The following MX1 variants were observed in gnomAD, a reference collection of about 807,000 sequenced individuals.
MX1 encodes MX dynamin like GTPase 1.
Under a neutral mutation model 66.4 loss-of-function variants are expected in MX1, and 66 were observed. The observed-to-expected ratio is 0.99, with a 90% CI of 0.82 to 1.22. The LOEUF (loss-of-function observed/expected upper bound fraction) is 1.22, where lower values mean the gene tolerates loss of function less well. Among genes scored for constraint, MX1 ranks in the 50% most tolerant of loss-of-function variants. MX1 has a pLI of 0.00. For synonymous variants in MX1, 311 were observed against 318.1 expected (o/e 0.98, Z 0.24); for missense variants, 787 against 834.3 (o/e 0.94, Z 0.70).
intron 8 of MX1, 81 bp from the exon 9 acceptor site, chr21:41,440,806 G>C: frequency 6.4e-7 from 1 of 1,552,968 alleles, no homozygotes; most frequent in South Asian, 1.1e-5. Flanking sequence ...AGGGCCTAAA[G>C]CAAGTGCAAG....
At chr21:41,446,874 T>C (rs1182811105) in intron 13 of MX1, among the ~76,000 whole-genome samples, 2 of 152,208 alleles carry the variant, frequency 1.3e-5, no homozygotes, top group African/African-American at 4.8e-5. Context: ...GTGGTAAACC[T>C]GATACGTTGG....
intron 5 of MX1, among the ~76,000 whole-genome samples, chr21:41,435,248 G>C (rs773281252): frequency 2.6e-5 from 4 of 152,274 alleles, no homozygotes; most frequent in Middle Eastern, 3.4e-3. Flanking sequence ...TGATGTTTAT[G>C]TTTGCTGTGC....
At position 41,452,478 on chromosome 21, in the gene MX1, G is replaced by A. The variant is rs537101514; in HGVS notation, c.1510-143G>A. 29 of 885,662 alleles carry A rather than the reference G, an allele frequency of 3.3e-5. No individual in the cohort carries two copies. The African/African-American group carries it at 4.8e-4, about 15-fold the overall frequency. The allele number at this position is 885,662 out of a possible 1,614,324, so 54.9% of individuals were successfully genotyped here. ...AGAAACCTGCCTTAGATACACCAGGGCGCGGCCCAGAGGGCTGTTCCAGGA... is the reference window on the plus strand; with the variant it reads ...AGAAACCTGCCTTAGATACACCAGGACGCGGCCCAGAGGGCTGTTCCAGGA... On this transcript the variant is annotated intron_variant, in intron 15 of 16. Coordinates refer to ENST00000398598, the MANE Select transcript of MX1 (RefSeq NM_002462.5).
chr21:41,443,540 C>T, intron 10 of MX1: 3 of 525,342 alleles, frequency 5.7e-6, no homozygotes, highest in South Asian at 2.3e-5. Context: ...AGTCAGACAC[C>T]ATGATACACA....
At chr21:41,454,448 C>T (rs575854863) in intron 16 of MX1, among the ~76,000 whole-genome samples, 67 of 152,258 alleles carry the variant, frequency 4.4e-4, no homozygotes, top group South Asian at 4.4e-3. Context: ...CTTCCTGTTA[C>T]GGCCAGGAAT....
intron 4 of MX1, chr21:41,431,691 G>T (rs1006804333): frequency 5.5e-5 from 10 of 181,554 alleles, no homozygotes; most frequent in African/African-American, 2.1e-4. Context: ...GGCCAGGGTG[G>T]TATTGAACTC....
chr21:41,435,863 G>A lies in MX1; in HGVS notation c.132G>A (p.Gln44=). 8.7e-6 allele frequency: 14 copies of A among 1,612,602 alleles called. No individual in the cohort carries two copies. Among genetic ancestry groups the A allele is most frequent in the Non-Finnish European group, 1.2e-5 (14 of 1,178,702 alleles). The change falls in exon 6 of 17, where the codon CAG becomes CAA. Residue 44 remains glutamine (Q), a synonymous_variant. Transcript: ENST00000398598. ...GSVAENNLCS[Q]YEEKVRPCID... ...TGGCTGAGAACAACCTGTGCAGCCA[G>A]TATGAGGAGAAGGTGCGCCCCTGCA...
upstream of MX1, chr21:41,422,652 A>G (rs2090005279): frequency 6.6e-6 from 1 of 152,226 alleles, no homozygotes; most frequent in Non-Finnish European, 1.5e-5. Flanking sequence ...CTGGTAGGAA[A>G]AAAAAAAGAG....
chr21:41,435,531 C>A lies in MX1; in HGVS notation c.106-306C>A, dbSNP rs1171252685. Among the ~76,000 whole-genome samples the A allele has an allele frequency of 4.6e-5, 7 of 152,182 alleles. No individual in the cohort carries two copies. The East Asian group carries it at 1.4e-3, about 29-fold the overall frequency. ...CTCACAGTCCACATGGCTGGGGAGG[C>A]CTCAGGAAACTTACAATCATGGAGG... On this transcript the variant is annotated intron_variant, in intron 5 of 16. Coordinates refer to ENST00000398598, the MANE Select transcript of MX1 (RefSeq NM_002462.5).
Position 41,458,899 on chromosome 21 carries a change from C to A in MX1, c.*141C>A. ...TTATCCGTTAGCCGTGGTGATTTAG[C>A]AGGAAGCTGTGAGAGCAGTTTGGTT... On this transcript the variant is annotated 3_prime_UTR_variant, in exon 17 of 17. Coordinates refer to ENST00000398598, the MANE Select transcript of MX1 (RefSeq NM_002462.5). The A allele has an allele frequency of 1.4e-6, 2 of 1,411,684 alleles. No homozygotes were observed. The highest frequency in any genetic ancestry group is 1.9e-6 in the Non-Finnish European group (2 of 1,074,046). 87.4% of individuals were successfully genotyped at this position (1,411,684 alleles called of 1,614,324 possible). A position where few individuals can be genotyped will look rare whatever the true frequency, so the allele number is the denominator to read the frequency against.
chr21:41,423,678 A>G (rs1240748140), upstream of MX1, among the ~76,000 whole-genome samples: 1 of 152,114 alleles, frequency 6.6e-6, no homozygotes, highest in Non-Finnish European at 1.5e-5. Context: ...CACATCCTAC[A>G]TGCTCAGTAG....
At chr21:41,457,783 A>G (rs1293302676) in intron 16 of MX1, among the ~76,000 whole-genome samples, 1 of 152,138 alleles carries the variant, frequency 6.6e-6, no homozygotes, top group African/African-American at 2.4e-5. Flanking sequence ...TGCCAGCATC[A>G]CCAGCAGCCA....
At chr21:41,437,851 C>A (rs2090406497) in intron 7 of MX1, among the ~76,000 whole-genome samples, 1 of 152,206 alleles carries the variant, frequency 6.6e-6, no homozygotes, top group Non-Finnish European at 1.5e-5. Flanking sequence ...GAACCCCACT[C>A]AGAACCAGCA....
chr21:41,420,599 G>A (rs2089982581), exon 1 of MX1: 3 of 151,958 alleles, frequency 2.0e-5, no homozygotes, highest in Admixed American at 6.5e-5. Context: ...CGGGAAATTC[G>A]CGGTGGGGGC....
At chr21:41,444,276 AGT>A (rs1204285153) in intron 11 of MX1, among the ~76,000 whole-genome samples, 1 of 140,968 alleles carries the variant, frequency 7.1e-6, no homozygotes, top group Non-Finnish European at 1.5e-5. Context: ...GCCTGAATAT[AGT>A]GTCTTCCTTT....
At chr21:41,431,968 T>C in intron 4 of MX1, 82 bp from the exon 5 acceptor site, 2 of 1,125,698 alleles carry the variant, frequency 1.8e-6, no homozygotes, top group Non-Finnish European at 2.6e-6. Flanking sequence ...CCAGGGGCCT[T>C]CCGTTCTGGT....
chr21:41,454,051 G>T (rs1261953690), intron 16 of MX1, among the ~76,000 whole-genome samples: 2 of 152,214 alleles, frequency 1.3e-5, no homozygotes, highest in Non-Finnish European at 2.9e-5. Context: ...AGGCCTAGAA[G>T]GGGAGAGGTC....
At position 41,443,874 on chromosome 21, in the gene MX1, C is replaced by A. The variant is rs1054797653; in HGVS notation, c.1008+8C>A. ...CTCATCACACATATCTGTGTAAGCACGGGCAGAGCTGTGGGTTCTCTAAAA... is the reference window on the plus strand; with the variant it reads ...CTCATCACACATATCTGTGTAAGCAAGGGCAGAGCTGTGGGTTCTCTAAAA... On this transcript the variant is annotated splice_region_variant and intron_variant, in intron 11 of 16. Coordinates refer to ENST00000398598, the MANE Select transcript of MX1 (RefSeq NM_002462.5). 2 of 1,613,860 alleles carry A rather than the reference C, an allele frequency of 1.2e-6. No homozygotes were observed. The highest frequency in any genetic ancestry group is 1.7e-6 in the Non-Finnish European group (2 of 1,179,742).
chr21:41,441,796 C>T lies in MX1; in HGVS notation c.811C>T (p.Leu271=), dbSNP rs1461608020. 6.2e-7 allele frequency: 1 copy of T among 1,614,148 alleles called. No individual in the cohort carries two copies. Among genetic ancestry groups the T allele is most frequent in the Non-Finnish European group, 8.5e-7 (1 of 1,180,036 alleles). The change falls in exon 10 of 17, where the codon CTG becomes TTG. Residue 271 remains leucine, a synonymous_variant. Coordinates refer to ENST00000398598, the MANE Select transcript of MX1 (RefSeq NM_002462.5). This position sits in a 1 kb window ranked among gnomAD's most constrained non-coding sequence, Gnocchi z 4.0. The part of the protein sequence containing the change: ...VDVVRNLVFH[L]KKGYMIVKCR... ...CGTGGTGCGGAACCTCGTGTTCCACCTGAAGAAGGGTTACATGATTGTCAA... is the reference window on the plus strand; with the variant it reads ...CGTGGTGCGGAACCTCGTGTTCCACTTGAAGAAGGGTTACATGATTGTCAA...
Sources: allele counts gnomAD v4.1 joint callset (sites outside exome capture counted in the v4.1 genomes callset), GRCh38; gene constraint gnomAD v4.1.1; non-coding constraint Gnocchi (gnomAD v3.1); transcripts MANE v1.5; gene names NCBI Gene and HGNC (gene_info 2026-07-23, HGNC 2026-07-21).